Variants in FUBP3 observed in about 807,000 individuals in gnomAD.
FUBP3 encodes the protein far upstream element binding protein 3.
A neutral mutation model predicts 85.6 loss-of-function variants in FUBP3; 28 were observed. The ratio of observed to expected loss-of-function variants is 0.33; its 90% CI spans 0.24 to 0.45. The LOEUF (loss-of-function observed/expected upper bound fraction) is 0.45. FUBP3 is among the 20% of genes least tolerant of loss of function. FUBP3 has a pLI of 1.00. For missense variants in FUBP3, 583 were observed against 755.1 expected (o/e 0.77, Z 2.67); for synonymous variants, 271 against 271.4 (o/e 1.00, Z 0.01).
intron 11 of FUBP3, among the ~76,000 whole-genome samples, chr9:130,624,195 G>C (rs1000302471): frequency 3.6e-4 from 55 of 152,210 alleles, no homozygotes; most frequent in African/African-American, 1.3e-3. Context: ...GGATACATTT[G>C]AGAATGACCA....
In FUBP3 at chr9:130,609,923, G is replaced by C. The variant is rs996265243; in HGVS notation, c.191-31G>C. ...GTTAGTTTATCCGTGCTAATGCTTT[G>C]ATTTTTTTTTTCTCTTTCTCTTTGC... On this transcript the variant is annotated intron_variant, in intron 2 of 18. Coordinates refer to ENST00000319725, the MANE Select transcript of FUBP3 (RefSeq NM_003934.2). 3 of 1,568,168 alleles carry C rather than the reference G, an allele frequency of 1.9e-6. No homozygotes were observed. The African/African-American group carries it at 4.1e-5, about 21-fold the overall frequency.
At chr9:130,619,824 T>TTTG (rs532223423) in intron 8 of FUBP3, among the ~76,000 whole-genome samples, 21 of 152,192 alleles carry the variant, frequency 1.4e-4, no homozygotes, top group Admixed American at 5.2e-4. Context: ...GGCTTGCCCT[T>TTTG]TTGTTGTTGT....
chr9:130,637,434 T>A lies in FUBP3; in HGVS notation c.*412T>A, dbSNP rs931149618. ...GTATGTAACAAATTCTTTTTAAAAATTTTAAAGCAGTATTTAAGTATTCTT... is the reference window on the plus strand; with the variant it reads ...GTATGTAACAAATTCTTTTTAAAAAATTTAAAGCAGTATTTAAGTATTCTT... On this transcript the variant is annotated 3_prime_UTR_variant, in exon 19 of 19. Transcript: ENST00000319725. 3.8e-5 allele frequency: 7 copies of A among 184,864 alleles called. No homozygotes were observed. The highest frequency in any genetic ancestry group is 8.1e-5 in the Non-Finnish European group (7 of 86,006). The allele number at this position is 184,864 out of a possible 1,614,324, so 11.5% of individuals were successfully genotyped here. A position where few individuals can be genotyped will look rare whatever the true frequency, so the allele number is the denominator to read the frequency against.
chr9:130,623,661 C>T lies in FUBP3; in HGVS notation c.925C>T (p.Arg309Trp), dbSNP rs755878728. ...TGCCCAGGTCATGGGCCCTCCGGAT[C>T]GGTGTCAGCATGCAGCGCATATCAT... is the stretch of plus-strand genomic sequence containing the variant. ...RAAQVMGPPD[R>W]CQHAAHIISE... The change falls in exon 11 of 19, where the codon CGG (arginine) becomes TGG (tryptophan). Residue 309 changes from arginine to tryptophan, a missense_variant. Arg to Trp is a moderately radical substitution (Grantham distance 101). Transcript: ENST00000319725. The T allele has an allele frequency of 5.0e-6, 8 of 1,613,804 alleles. No individual in the cohort carries two copies. The Admixed American group carries it at 5.0e-5, about 10-fold the overall frequency.
intron 5 of FUBP3, 64 bp downstream of exon 5, chr9:130,613,091 A>C: frequency 9.7e-7 from 1 of 1,027,242 alleles, no homozygotes; most frequent in Admixed American, 1.8e-5. Context: ...AACTTTCCAG[A>C]TTCGGTACTT....
chr9:130,631,909 G>T lies in FUBP3; in HGVS notation c.1353-33G>T. The T allele has an allele frequency of 2.7e-6, 4 of 1,498,892 alleles. No homozygotes were observed. In the South Asian group the frequency reaches 3.4e-5, roughly 13 times the overall value. The allele number at this position is 1,498,892 out of a possible 1,614,324, so 92.8% of individuals were successfully genotyped here. A position where few individuals can be genotyped will look rare whatever the true frequency, so the allele number is the denominator to read the frequency against. ...GGGGACGAGCCCTCTGTTGTGAGGC[G>T]CTCAGTCTGTTGTTTCTTTTACCTT... On this transcript the variant is annotated intron_variant, in intron 14 of 18. Coordinates refer to ENST00000319725, the MANE Select transcript of FUBP3 (RefSeq NM_003934.2).
intron 6 of FUBP3, 55 bp downstream of exon 6, chr9:130,614,400 G>C: frequency 8.9e-7 from 1 of 1,124,668 alleles, no homozygotes; most frequent in Non-Finnish European, 1.3e-6. Flanking sequence ...TCCCCAAATG[G>C]GGAGAAATGG....
intron 6 of FUBP3, among the ~76,000 whole-genome samples, chr9:130,615,117 T>C (rs1311219630): frequency 1.3e-5 from 2 of 152,210 alleles, no homozygotes; most frequent in South Asian, 2.1e-4. Context: ...AAGTCTCTTG[T>C]TCTGCCATCA....
intron 6 of FUBP3, among the ~76,000 whole-genome samples, chr9:130,614,888 A>G (rs996623709): frequency 1.8e-4 from 28 of 152,044 alleles, no homozygotes; most frequent in Admixed American, 1.4e-3. Flanking sequence ...TTGCTTTCCT[A>G]CCCTGTTACT....
In FUBP3 at chr9:130,616,612, C is replaced by A; in HGVS notation, c.567+95C>A. 1 of 1,214,874 alleles carries A rather than the reference C, an allele frequency of 8.2e-7. No homozygotes were observed. The highest frequency in any genetic ancestry group is 1.2e-6 in the Non-Finnish European group (1 of 841,322). The allele number at this position is 1,214,874 out of a possible 1,614,324, so 75.3% of individuals were successfully genotyped here. ...TCTGCTTACGGCTGGCATTCCCTGG[C>A]TGGGCTGGCTTTGTGCAGCATTGTG... On this transcript the variant is annotated intron_variant, in intron 7 of 18. Coordinates refer to ENST00000319725, the MANE Select transcript of FUBP3 (RefSeq NM_003934.2). This position sits in a 1 kb window ranked among gnomAD's most constrained non-coding sequence, Gnocchi z 4.7.
rs1198604748 is a variant in FUBP3 at position 130,635,807 on chromosome 9, G to A, written c.1583-192G>A. The A allele has an allele frequency of 2.7e-5, 16 of 597,988 alleles. No homozygotes were observed. The East Asian group carries it at 4.5e-4, about 17-fold the overall frequency. The allele number at this position is 597,988 out of a possible 1,614,324, so 37.0% of individuals were successfully genotyped here. A position where few individuals can be genotyped will look rare whatever the true frequency, so the allele number is the denominator to read the frequency against. On this transcript the variant is annotated intron_variant, in intron 17 of 18. Transcript: ENST00000319725. The surrounding 1 kb of genome is among the most constrained non-coding windows in gnomAD (Gnocchi z 4.3). ...ATTGGTCTTCACAGGCATAGCAGGG[G>A]CCGGGCAACAAGAGGCTAACAGCAC...
At chr9:130,595,339 A>G in intron 1 of FUBP3, 144 bp from the exon 2 acceptor site, 2 of 579,216 alleles carry the variant, frequency 3.5e-6, no homozygotes, top group Non-Finnish European at 6.3e-6. Context: ...AGTGAAAAGT[A>G]TTTGTGCTCT....
At chr9:130,594,869 C>CTTTTTTTTTTTTT in intron 1 of FUBP3, among the ~76,000 whole-genome samples, 1 of 129,320 alleles carries the variant, frequency 7.7e-6, no homozygotes, top group Non-Finnish European at 1.6e-5. Flanking sequence ...TGTTGGCTTG[C>CTTTTTTTTTTTTT]TTTTTTTTTT....
In FUBP3 at chr9:130,625,330, C is replaced by G. The variant is rs139995634; in HGVS notation, c.976-1034C>G. Among the ~76,000 whole-genome samples, 449 of 152,352 alleles carry G rather than the reference C, an allele frequency of 2.9e-3. 1 individual carries two copies. The highest frequency in any genetic ancestry group is 4.4e-3 in the Non-Finnish European group (297 of 68,034). ...TGCGCTCCTGTGCGTGTGTGAACAT[C>G]CATTCTAAAATTGCCTTGTTTACTT... On this transcript the variant is annotated intron_variant, in intron 11 of 18. Coordinates refer to ENST00000319725, the MANE Select transcript of FUBP3 (RefSeq NM_003934.2).
chr9:130,589,789 T>A lies in FUBP3; in HGVS notation c.85-5694T>A, dbSNP rs188445428. Among the ~76,000 whole-genome samples, 831 of 144,938 alleles carry A rather than the reference T, an allele frequency of 5.7e-3. 9 individuals carry two copies. Among genetic ancestry groups the A allele is most frequent in the African/African-American group, 0.02 (790 of 38,774 alleles). On this transcript the variant is annotated intron_variant, in intron 1 of 18. Transcript: ENST00000319725. ...GTGGTGGCTTAACCATAGCTCACTGTAACTTTGAACTCCTGGGCTCAAGGG... is the reference window on the plus strand; with the variant it reads ...GTGGTGGCTTAACCATAGCTCACTGAAACTTTGAACTCCTGGGCTCAAGGG...
chr9:130,609,688 C>T (rs1257760284), intron 2 of FUBP3, among the ~76,000 whole-genome samples: 1 of 152,208 alleles, frequency 6.6e-6, no homozygotes, highest in Non-Finnish European at 1.5e-5. Context: ...AGGATTTTCT[C>T]CCAGGCCTCA....
At chr9:130,613,146 A>T (rs999610478) in intron 5 of FUBP3, 119 bp downstream of exon 5, 8 of 660,100 alleles carry the variant, frequency 1.2e-5, no homozygotes, top group Non-Finnish European at 1.9e-5. Context: ...TTTTCCTTGC[A>T]CTTTGGGAGT....
At chr9:130,628,412 C>G (rs1830079473) in intron 12 of FUBP3, among the ~76,000 whole-genome samples, 1 of 152,218 alleles carries the variant, frequency 6.6e-6, no homozygotes, top group Non-Finnish European at 1.5e-5. Context: ...CTTCTGCCCC[C>G]CATCAGGTAG....
chr9:130,622,137 A>T (rs547214411), intron 9 of FUBP3, among the ~76,000 whole-genome samples: 1 of 146,190 alleles, frequency 6.8e-6, no homozygotes, highest in Admixed American at 6.8e-5. Flanking sequence ...AGCCTGGCCA[A>T]CATGGTGAAA....
Sources: allele counts gnomAD v4.1 joint callset (sites outside exome capture counted in the v4.1 genomes callset), GRCh38; gene constraint gnomAD v4.1.1; non-coding constraint Gnocchi (gnomAD v3.1); transcripts MANE v1.5; gene names NCBI Gene and HGNC (gene_info 2026-07-23, HGNC 2026-07-21).